UBE3D: variants seen among roughly 807,000 people sequenced by gnomAD.
UBE3D encodes E3 ubiquitin-protein ligase E3D.
A neutral mutation model predicts 49.6 loss-of-function variants in UBE3D; 48 were observed. The ratio of observed to expected loss-of-function variants is 0.97; its 90% confidence interval spans 0.77 to 1.23. UBE3D has a LOEUF of 1.23. Among genes scored for constraint, UBE3D ranks in the 50% most tolerant of loss-of-function variants. The probability of loss-of-function intolerance (pLI) is 0.00; values close to 1 mark genes in which losing one functional copy is unlikely to be tolerated. For synonymous variants in UBE3D, 189 were observed against 174.2 expected (o/e 1.08, Z -0.67); for missense variants, 452 against 468.4 (o/e 0.96, Z 0.32).
At chr6:83,058,498 G>A (rs1295780455) in intron 1 of UBE3D, among the ~76,000 whole-genome samples, 4 of 152,222 alleles carry the variant, frequency 2.6e-5, no homozygotes, top group African/African-American at 7.2e-5. Flanking sequence ...AAATTACTCA[G>A]TATAGGCAAT....
At chr6:82,913,096 C>G (rs1772645309) in intron 9 of UBE3D, among the ~76,000 whole-genome samples, 1 of 152,192 alleles carries the variant, frequency 6.6e-6, no homozygotes, top group Non-Finnish European at 1.5e-5. Context: ...AATCAAATAA[C>G]CTGTGCTTAG....
rs1353426380 is a variant in UBE3D, at chr6:82,942,773, G to T, written c.1149+14539C>A. ...GGAAATGCCTGGATGTCCAGGCAGA[G>T]GTTGCCGCAGGCACAGAGCCCTTAC... is the stretch of plus-strand genomic sequence containing the variant. On this transcript the variant is annotated intron_variant, in intron 9 of 9. Coordinates refer to ENST00000369747, the MANE Select transcript of UBE3D (RefSeq NM_198920.3). Among the ~76,000 whole-genome samples the T allele has an allele frequency of 2.6e-5, 4 of 152,266 alleles. No individual in the cohort carries two copies. In the East Asian group the frequency reaches 7.7e-4, roughly 29 times the overall value.
chr6:82,923,722 A>G (rs1582358453), intron 9 of UBE3D, among the ~76,000 whole-genome samples: 1 of 152,236 alleles, frequency 6.6e-6, no homozygotes. Context: ...ATAAAAATAA[A>G]TAACTAAATA....
chr6:82,988,043 A>C (rs2127727882), intron 8 of UBE3D, among the ~76,000 whole-genome samples: 1 of 152,360 alleles, frequency 6.6e-6, no homozygotes, highest in Admixed American at 6.5e-5. Flanking sequence ...AATATTTATA[A>C]ATAGTAAAAA....
intron 8 of UBE3D, among the ~76,000 whole-genome samples, chr6:83,012,300 A>G (rs987696536): frequency 2.0e-5 from 3 of 152,222 alleles, no homozygotes; most frequent in Non-Finnish European, 4.4e-5. Flanking sequence ...GAAGAGGTCC[A>G]ATATAATCAA....
intron 7 of UBE3D, among the ~76,000 whole-genome samples, chr6:83,021,887 A>C (rs1404534209): frequency 2.6e-5 from 4 of 151,980 alleles, no homozygotes; most frequent in Non-Finnish European, 4.4e-5. Context: ...AACAAAAAAC[A>C]AAAAAACCCT....
chr6:82,881,069 C>A, the UBE3D span, among the ~76,000 whole-genome samples: 2 of 152,254 alleles, frequency 1.3e-5, no homozygotes, highest in African/African-American at 4.8e-5. Context: ...ATTGAGGGTT[C>A]AGATTTCAAT....
chr6:83,038,247 C>T lies in UBE3D; in HGVS notation c.667+169G>A, dbSNP rs544400334. On this transcript the variant is annotated intron_variant, in intron 5 of 9. Coordinates refer to ENST00000369747, the MANE Select transcript of UBE3D (RefSeq NM_198920.3). Reference sequence around the variant, plus strand: ...CTGTATTTATGAAGGTCAAAATATACAAACTTCTTGGTATATTGGATGGTA... The same window carrying T: ...CTGTATTTATGAAGGTCAAAATATATAAACTTCTTGGTATATTGGATGGTA... 27 of 550,742 alleles carry T rather than the reference C, an allele frequency of 4.9e-5. No individual in the cohort carries two copies. In the Middle Eastern group the frequency reaches 1.5e-3, roughly 30 times the overall value. 34.1% of individuals were successfully genotyped at this position (550,742 alleles called of 1,614,324 possible). A position where few individuals can be genotyped will look rare whatever the true frequency, so the allele number is the denominator to read the frequency against.
intron 4 of UBE3D, among the ~76,000 whole-genome samples, chr6:83,043,384 TTAAC>T (rs1782807409): frequency 6.6e-6 from 1 of 151,996 alleles, no homozygotes; most frequent in African/African-American, 2.4e-5. Flanking sequence ...CAAATATATA[TTAAC>T]TTACTATTTA....
chr6:82,907,031 T>C (rs1440567781), intron 9 of UBE3D, among the ~76,000 whole-genome samples: 1 of 152,192 alleles, frequency 6.6e-6, no homozygotes, highest in Non-Finnish European at 1.5e-5. Context: ...AGAACTTAAT[T>C]CTTTTTAAAC....
intron 3 of UBE3D, among the ~76,000 whole-genome samples, chr6:83,045,514 G>T (rs1298058700): frequency 6.6e-6 from 1 of 152,078 alleles, no homozygotes; most frequent in African/African-American, 2.4e-5. Flanking sequence ...TATATTAAGA[G>T]TATTAGCCTC....
At chr6:82,962,301 G>A (rs1237287774) in intron 8 of UBE3D, among the ~76,000 whole-genome samples, 1 of 152,126 alleles carries the variant, frequency 6.6e-6, no homozygotes, top group East Asian at 1.9e-4. Context: ...GTTTCAACAT[G>A]CTGCTAAATG....
chr6:83,029,420 C>T (rs1054150202), intron 5 of UBE3D, among the ~76,000 whole-genome samples: 3 of 152,070 alleles, frequency 2.0e-5, no homozygotes, highest in Non-Finnish European at 4.4e-5. Context: ...GGTTACAGTA[C>T]ATTTTAATTC....
intron 9 of UBE3D, among the ~76,000 whole-genome samples, chr6:82,951,827 C>T (rs1775818949): frequency 6.6e-6 from 1 of 152,106 alleles, no homozygotes; most frequent in Admixed American, 6.6e-5. Context: ...ACCATCTAGT[C>T]TCAAAAGAAA....
chr6:83,065,469 G>A (rs1171785580), intron 1 of UBE3D, among the ~76,000 whole-genome samples, 173 bp downstream of exon 1: 1 of 152,180 alleles, frequency 6.6e-6, no homozygotes, highest in Non-Finnish European at 1.5e-5. Flanking sequence ...CAGTAGGGGT[G>A]GGAGTGGCGG....
At chr6:82,987,997 T>G (rs1257204600) in intron 8 of UBE3D, among the ~76,000 whole-genome samples, 2 of 152,232 alleles carry the variant, frequency 1.3e-5, no homozygotes, top group Non-Finnish European at 2.9e-5. Flanking sequence ...ATTTATATGT[T>G]GTTTAAAAAC....
chr6:82,991,109 T>G (rs1162035966), intron 8 of UBE3D, among the ~76,000 whole-genome samples: 6 of 152,112 alleles, frequency 3.9e-5, no homozygotes, highest in Admixed American at 3.9e-4. Context: ...GGTGTCCTCA[T>G]GTTGGCAGCT....
intron 8 of UBE3D, among the ~76,000 whole-genome samples, chr6:83,002,606 A>T (rs943685343): frequency 6.6e-6 from 1 of 152,238 alleles, no homozygotes; most frequent in Non-Finnish European, 1.5e-5. Context: ...AATCACTTGA[A>T]CACAGGAGGC....
chr6:83,038,298 G>T, intron 5 of UBE3D, 118 bp downstream of exon 5: 2 of 810,698 alleles, frequency 2.5e-6, no homozygotes, highest in Non-Finnish European at 1.9e-6. Flanking sequence ...ATTTTGAAAA[G>T]CACCAATTCC....
Sources: allele counts gnomAD v4.1 joint callset (sites outside exome capture counted in the v4.1 genomes callset), GRCh38; gene constraint gnomAD v4.1.1; transcripts MANE v1.5; gene names NCBI Gene and HGNC (gene_info 2026-07-23, HGNC 2026-07-21).